LHFPL3: variants seen among roughly 807,000 people sequenced by gnomAD.
The protein encoded by LHFPL3 is LHFPL tetraspan subfamily member 3 protein.
LHFPL3 carries 5 observed loss-of-function variants against 19.3 expected under a neutral mutation model. That is an observed-to-expected ratio of 0.26 (90% CI 0.14 to 0.54). The LOEUF (loss-of-function observed/expected upper bound fraction) is 0.54. LHFPL3 is among the 20% of genes least tolerant of loss of function. The pLI, the probability that LHFPL3 is intolerant of heterozygous loss-of-function variation, is 0.94. For synonymous variants in LHFPL3, 133 were observed against 126.2 expected (o/e 1.05, Z -0.36); for missense variants, 249 against 307.4 (o/e 0.81, Z 1.42).
intron 1 of LHFPL3, among the ~76,000 whole-genome samples, chr7:104,524,386 G>C (rs1468480818): frequency 1.3e-5 from 2 of 152,164 alleles, no homozygotes; most frequent in Admixed American, 6.6e-5. Context: ...CTTAAAGCAT[G>C]CAACTCATAG....
intron 1 of LHFPL3, among the ~76,000 whole-genome samples, chr7:104,406,774 G>A (rs1791424057): frequency 6.6e-6 from 1 of 152,174 alleles, no homozygotes; most frequent in African/African-American, 2.4e-5. Flanking sequence ...TCTCTTCTTG[G>A]GGCCAAAAGC....
intron 1 of LHFPL3, among the ~76,000 whole-genome samples, chr7:104,529,368 G>A (rs1001320458): frequency 6.6e-6 from 1 of 152,080 alleles, no homozygotes; most frequent in African/African-American, 2.4e-5. Flanking sequence ...TCCATCACGA[G>A]GAATTATTTC....
chr7:104,738,815 C>T (rs1009950571), intron 2 of LHFPL3: 1 of 152,084 alleles, frequency 6.6e-6, no homozygotes. Context: ...AACAAAGCAT[C>T]GTGTTCCGTC....
intron 1 of LHFPL3, among the ~76,000 whole-genome samples, chr7:104,716,483 T>G (rs374945832): frequency 6.6e-6 from 1 of 152,154 alleles, no homozygotes; most frequent in African/African-American, 2.4e-5. Flanking sequence ...AAAGCTGCAG[T>G]ATACAAAATC....
At chr7:104,330,829 T>C (rs1305580724) in intron 1 of LHFPL3, among the ~76,000 whole-genome samples, 1 of 152,190 alleles carries the variant, frequency 6.6e-6, no homozygotes, top group Admixed American at 6.5e-5. Context: ...AATAAATTCA[T>C]GTATTATGGC....
chr7:104,676,851 C>A (rs181489868), intron 1 of LHFPL3, among the ~76,000 whole-genome samples: 1 of 152,304 alleles, frequency 6.6e-6, no homozygotes, highest in East Asian at 1.9e-4. Context: ...TCTGACTCAG[C>A]AGTCAAATTC....
intron 2 of LHFPL3, among the ~76,000 whole-genome samples, chr7:104,746,058 C>A (rs948694656): frequency 6.6e-6 from 1 of 152,134 alleles, no homozygotes; most frequent in South Asian, 2.1e-4. Context: ...TGCCTGTAAT[C>A]CCAGCACTTA....
chr7:104,465,003 C>T lies in LHFPL3; in HGVS notation c.445+135779C>T, dbSNP rs983662153. Among the ~76,000 whole-genome samples, 6 of 152,292 alleles carry T rather than the reference C, an allele frequency of 3.9e-5. 1 individual carries two copies. The highest frequency in any genetic ancestry group is 6.5e-5 in the Admixed American group (1 of 15,290). On this transcript the variant is annotated intron_variant, in intron 1 of 2. Transcript: ENST00000424859. The stretch of plus-strand genomic sequence containing the variant: ...GCTTTGCTTCCTCTTAAATGCTTTG[C>T]TACTTAGAAATTTCTTCCACCAGAT...
At chr7:104,505,674 C>T (rs1193010863) in intron 1 of LHFPL3, among the ~76,000 whole-genome samples, 2 of 152,092 alleles carry the variant, frequency 1.3e-5, no homozygotes, top group Non-Finnish European at 2.9e-5. Flanking sequence ...AAAAGATAAG[C>T]ACAAAGTGAT....
chr7:104,430,426 A>ATATATG (rs1562895242), intron 1 of LHFPL3, among the ~76,000 whole-genome samples: 4 of 11,490 alleles, frequency 3.5e-4, no homozygotes, highest in African/African-American at 5.1e-4. Flanking sequence ...ATACATATAT[A>ATATATG]TATATATATA....
At chr7:104,357,886 A>G (rs911015467) in intron 1 of LHFPL3, among the ~76,000 whole-genome samples, 2 of 152,144 alleles carry the variant, frequency 1.3e-5, no homozygotes, top group East Asian at 1.9e-4. Flanking sequence ...CAAAATACCT[A>G]TATGGCAACA....
At chr7:104,407,703 C>T (rs1447801923) in intron 1 of LHFPL3, among the ~76,000 whole-genome samples, 1 of 152,128 alleles carries the variant, frequency 6.6e-6, no homozygotes, top group Non-Finnish European at 1.5e-5. Flanking sequence ...TGGAATGTGA[C>T]CTGTGACTTG....
intron 1 of LHFPL3, among the ~76,000 whole-genome samples, chr7:104,561,790 C>T (rs181814226): frequency 0.066 from 10,054 of 152,206 alleles, 511 homozygotes; most frequent in African/African-American, 0.15. Flanking sequence ...ATTGTCTTTA[C>T]ATTTTGGCAT....
chr7:104,697,731 C>T (rs921982100), intron 1 of LHFPL3, among the ~76,000 whole-genome samples: 2 of 152,030 alleles, frequency 1.3e-5, no homozygotes, highest in African/African-American at 4.8e-5. Context: ...TGAGTTTTAC[C>T]CTAGTGCTGA....
At chr7:104,559,858 A>G (rs1008297381) in intron 1 of LHFPL3, among the ~76,000 whole-genome samples, 8 of 143,848 alleles carry the variant, frequency 5.6e-5, no homozygotes, top group African/African-American at 2.3e-4. Context: ...ACGTCCCATC[A>G]ATACCTAATT....
At chr7:104,450,817 A>G (rs1792422251) in intron 1 of LHFPL3, among the ~76,000 whole-genome samples, 1 of 152,224 alleles carries the variant, frequency 6.6e-6, no homozygotes, top group Non-Finnish European at 1.5e-5. Flanking sequence ...AAAAGAAAAA[A>G]AAAGGAAAAC....
At chr7:104,674,029 A>C (rs979525843) in intron 1 of LHFPL3, among the ~76,000 whole-genome samples, 3 of 150,852 alleles carry the variant, frequency 2.0e-5, no homozygotes, top group Non-Finnish European at 4.5e-5. Context: ...TCTTTTTCCA[A>C]GACTTTTCCA....
chr7:104,632,022 G>A (rs1791651698), intron 1 of LHFPL3, among the ~76,000 whole-genome samples: 1 of 152,182 alleles, frequency 6.6e-6, no homozygotes, highest in Admixed American at 6.5e-5. Context: ...CCTGTCTTTG[G>A]ATAGGGATGG....
At chr7:104,863,928 G>A (rs1468128650) in intron 2 of LHFPL3, among the ~76,000 whole-genome samples, 1 of 152,326 alleles carries the variant, frequency 6.6e-6, no homozygotes, top group Non-Finnish European at 1.5e-5. Context: ...TTCTTTACCT[G>A]TAAAGTGGGG....
Sources: gnomAD v4.1 joint callset for allele counts (sites outside exome capture counted in the v4.1 genomes callset) on GRCh38, gnomAD v4.1.1 for gene constraint, MANE v1.5 for transcripts, NCBI Gene and HGNC (gene_info 2026-07-23, HGNC 2026-07-21) for gene names.